The following ALOX5AP variants were observed in gnomAD, a reference collection of about 807,000 sequenced individuals.
The protein encoded by ALOX5AP is arachidonate 5-lipoxygenase activating protein.
Under a neutral mutation model 18.5 loss-of-function variants are expected in ALOX5AP, and 9 were observed. The ratio of observed to expected loss-of-function variants is 0.49; its 90% CI spans 0.29 to 0.85. The LOEUF is 0.85. Among genes scored for constraint, ALOX5AP ranks in the 40% least tolerant of loss-of-function variants. The pLI, the probability that ALOX5AP is intolerant of heterozygous loss-of-function variation, is 0.08. For missense variants in ALOX5AP, 172 were observed against 202.5 expected, an observed-to-expected ratio of 0.85 and a Z score of 0.91; for synonymous variants, 81 against 78.6, an observed-to-expected ratio of 1.03 and a Z score of -0.16.
chr13:30,759,300 TC>T (rs1419886741), intron 4 of ALOX5AP, among the ~76,000 whole-genome samples: 4 of 152,144 alleles, frequency 2.6e-5, no homozygotes, highest in African/African-American at 7.2e-5. Context: ...CTCCTACTGA[TC>T]CTCTTGGCAA....
intron 1 of ALOX5AP, among the ~76,000 whole-genome samples, chr13:30,718,667 A>T (rs938451066): frequency 3.3e-5 from 5 of 152,100 alleles, no homozygotes; most frequent in Non-Finnish European, 7.4e-5. Flanking sequence ...TATTCTCTTC[A>T]TTCCACAAAG....
At position 30,761,860 on chromosome 13, in the gene ALOX5AP, TC is replaced by T. The variant is rs369155637; in HGVS notation, c.324-2083del. Among the ~76,000 whole-genome samples, 171 of 152,296 alleles carry T rather than the reference TC, an allele frequency of 1.1e-3. 1 individual carries two copies. The highest frequency in any genetic ancestry group is 4.0e-3 in the African/African-American group (165 of 41,546). On this transcript the variant is annotated intron_variant, in intron 4 of 4. Coordinates refer to ENST00000380490, the MANE Select transcript of ALOX5AP (RefSeq NM_001629.4). The stretch of plus-strand genomic sequence containing the variant: ...ATGAGTTCATTTTACCTTAATTATC[TC>T]TTTAAACACCCTGTCTCCAAATACA...
intron 1 of ALOX5AP, among the ~76,000 whole-genome samples, chr13:30,716,515 C>A (rs1951551474): frequency 6.6e-6 from 1 of 152,200 alleles, no homozygotes. Flanking sequence ...TGAACATTAG[C>A]TTTTGAGAAG....
At position 30,760,780 on chromosome 13, in the gene ALOX5AP, G is replaced by A. The variant is rs774807946; in HGVS notation, c.324-3164G>A. ...AGGATGGCTGTGAGAATTAAAGGAAGTCATGGGTGTACAATACCTGGCCCC... is the reference window on the plus strand; with the variant it reads ...AGGATGGCTGTGAGAATTAAAGGAAATCATGGGTGTACAATACCTGGCCCC... On this transcript the variant is annotated intron_variant, in intron 4 of 4. Coordinates refer to ENST00000380490, the MANE Select transcript of ALOX5AP (RefSeq NM_001629.4). Among the ~76,000 whole-genome samples, 17 of 152,176 alleles carry A rather than the reference G, an allele frequency of 1.1e-4. 1 individual carries two copies. Among genetic ancestry groups the A allele is most frequent in the South Asian group, 6.2e-4 (3 of 4,832 alleles).
intron 1 of ALOX5AP, among the ~76,000 whole-genome samples, chr13:30,716,822 C>T (rs1951554184): frequency 1.3e-5 from 2 of 152,184 alleles, no homozygotes; most frequent in South Asian, 4.1e-4. Context: ...GTTGTGATCT[C>T]TTATAGGGAG....
At chr13:30,727,888 C>T (rs1443489638) in intron 1 of ALOX5AP, among the ~76,000 whole-genome samples, 1 of 152,098 alleles carries the variant, frequency 6.6e-6, no homozygotes, top group African/African-American at 2.4e-5. Flanking sequence ...CCTTTCTTTC[C>T]CTCCTGACAG....
At chr13:30,716,428 T>C (rs1337621656) in intron 1 of ALOX5AP, among the ~76,000 whole-genome samples, 2 of 152,244 alleles carry the variant, frequency 1.3e-5, no homozygotes, top group Non-Finnish European at 2.9e-5. Context: ...TATCAGCTTA[T>C]CAGAAATGTA....
At chr13:30,736,357 C>A (rs1286261885) in intron 1 of ALOX5AP, among the ~76,000 whole-genome samples, 1 of 151,926 alleles carries the variant, frequency 6.6e-6, no homozygotes, top group Non-Finnish European at 1.5e-5. Flanking sequence ...TTAAAAACAA[C>A]AACAACAACA....
At chr13:30,733,542 A>G (rs963324847), upstream of ALOX5AP, among the ~76,000 whole-genome samples, 10 of 152,188 alleles carry the variant, frequency 6.6e-5, no homozygotes, top group African/African-American at 2.4e-4. Context: ...AGCCCTAACC[A>G]ATCTTGTAAT....
chr13:30,756,629 T>G lies in ALOX5AP; in HGVS notation c.323+604T>G, dbSNP rs1158279081. 4.0e-5 allele frequency among the ~76,000 whole-genome samples: 6 copies of G among 151,844 alleles called. No individual in the cohort carries two copies. In the East Asian group the frequency reaches 1.2e-3, roughly 29 times the overall value. On this transcript the variant is annotated intron_variant, in intron 4 of 4. Transcript: ENST00000380490. Reference sequence around the variant, plus strand: ...TTTGAGACCAGCCTGGCCAACATGGTGAAACCCCGTCTCTACTAAAAAATA... The same window carrying G: ...TTTGAGACCAGCCTGGCCAACATGGGGAAACCCCGTCTCTACTAAAAAATA...
chr13:30,729,576 AT>A (rs10655622), intron 1 of ALOX5AP, among the ~76,000 whole-genome samples: 20,927 of 137,450 alleles, frequency 0.15, 1,552 homozygotes, highest in South Asian at 0.22. Flanking sequence ...TCTAACCTGT[AT>A]TTTTTTTTTT....
intron 2 of ALOX5AP, among the ~76,000 whole-genome samples, chr13:30,749,839 C>T (rs1951837677): frequency 6.6e-6 from 1 of 152,118 alleles, no homozygotes; most frequent in Non-Finnish European, 1.5e-5. Flanking sequence ...CACGAAGATT[C>T]CATTGGTGAG....
At chr13:30,763,880 T>G (rs1298286921) in intron 4 of ALOX5AP, 64 bp from the exon 5 acceptor site, 3 of 1,483,530 alleles carry the variant, frequency 2.0e-6, no homozygotes, top group Admixed American at 3.8e-5. Flanking sequence ...GGTAACATTT[T>G]TGTGTGTGTG....
intron 1 of ALOX5AP, among the ~76,000 whole-genome samples, chr13:30,720,138 G>A (rs1363615103): frequency 6.6e-6 from 1 of 152,186 alleles, no homozygotes; most frequent in Admixed American, 6.5e-5. Context: ...GGGATTACAG[G>A]CGTGAGCCAC....
chr13:30,720,982 G>A (rs918726018), intron 1 of ALOX5AP, among the ~76,000 whole-genome samples: 1 of 152,150 alleles, frequency 6.6e-6, no homozygotes, highest in African/African-American at 2.4e-5. Flanking sequence ...TCAGTCCCAA[G>A]ATGAGGTGTG....
intron 1 of ALOX5AP, among the ~76,000 whole-genome samples, chr13:30,727,940 C>T (rs1951651907): frequency 6.6e-6 from 1 of 152,162 alleles, no homozygotes; most frequent in Non-Finnish European, 1.5e-5. Flanking sequence ...GCCACAGAAA[C>T]AGCAACCTCA....
At chr13:30,714,692 A>G (rs1452932915) in intron 1 of ALOX5AP, among the ~76,000 whole-genome samples, 1 of 152,038 alleles carries the variant, frequency 6.6e-6, no homozygotes, top group East Asian at 1.9e-4. Flanking sequence ...AAGATCCTAG[A>G]TGTGGGAAAC....
chr13:30,729,989 A>G (rs976336822), intron 1 of ALOX5AP, among the ~76,000 whole-genome samples: 1 of 152,196 alleles, frequency 6.6e-6, no homozygotes, highest in Admixed American at 6.5e-5. Flanking sequence ...TGAGTTTGTG[A>G]TGGGAAAAGG....
At chr13:30,728,977 A>G (rs1951659353) in intron 1 of ALOX5AP, among the ~76,000 whole-genome samples, 2 of 152,222 alleles carry the variant, frequency 1.3e-5, no homozygotes, top group Admixed American at 6.5e-5. Flanking sequence ...CTTGCTGACC[A>G]TTCCAATAGA....
Sources: allele counts gnomAD v4.1 joint callset (sites outside exome capture counted in the v4.1 genomes callset), GRCh38; gene constraint gnomAD v4.1.1; transcripts MANE v1.5; gene names NCBI Gene and HGNC (gene_info 2026-07-23, HGNC 2026-07-21).